The following C10orf67 variants were observed in gnomAD, a reference collection of about 807,000 sequenced individuals.
The protein encoded by C10orf67 is uncharacterized protein C10orf67, mitochondrial.
C10orf67 carries 60 observed loss-of-function variants against 35.6 expected under a neutral mutation model. That is an observed-to-expected ratio of 1.68 (90% CI 1.37 to 2.09). The LOEUF (loss-of-function observed/expected upper bound fraction) is 2.09, where lower values mean the gene tolerates loss of function less well. Ranked by LOEUF, C10orf67 falls within the 30% of genes most tolerant of loss-of-function variation. The probability of loss-of-function intolerance (pLI) is 0.00; values close to 1 mark genes in which losing one functional copy is unlikely to be tolerated. For missense variants in C10orf67, 474 were observed against 330.2 expected (o/e 1.44, Z -3.38); for synonymous variants, 167 against 115.8 (o/e 1.44, Z -2.84).
chr10:23,315,491 T>G (rs1255800218), intron 4 of C10orf67, among the ~76,000 whole-genome samples: 1 of 152,188 alleles, frequency 6.6e-6, no homozygotes, highest in Non-Finnish European at 1.5e-5. Flanking sequence ...CAGGCTGGAG[T>G]GCAGTGGCAT....
At chr10:23,291,048 T>A (rs1404452345) in intron 6 of C10orf67, 84 bp downstream of exon 6, 2 of 614,548 alleles carry the variant, frequency 3.3e-6, no homozygotes, top group South Asian at 2.1e-5. Context: ...AACGAATGTA[T>A]GTTTGGAAAA....
At chr10:23,268,952 CT>C (rs1338324054) in intron 8 of C10orf67, among the ~76,000 whole-genome samples, 1 of 152,204 alleles carries the variant, frequency 6.6e-6, no homozygotes, top group Non-Finnish European at 1.5e-5. Flanking sequence ...TCTTATTGGA[CT>C]ACCATCGTGT....
intron 8 of C10orf67, among the ~76,000 whole-genome samples, chr10:23,267,629 C>T (rs986169844): frequency 6.6e-6 from 1 of 152,116 alleles, no homozygotes; most frequent in Non-Finnish European, 1.5e-5. Context: ...TTGAGAAGGC[C>T]GGGCACGGTG....
chr10:23,280,882 T>C lies in C10orf67; in HGVS notation c.975+1131A>G, dbSNP rs573211434. Among the ~76,000 whole-genome samples, 34 of 152,318 alleles carry C rather than the reference T, an allele frequency of 2.2e-4. 1 individual carries two copies. The South Asian group carries it at 5.2e-3, about 23-fold the overall frequency. ...ACAATATAACATTGGCTTTCCACTC[T>C]ATAAAAACACTTTCAATTTTAATGA... is the stretch of plus-strand genomic sequence containing the variant. On this transcript the variant is annotated intron_variant, in intron 8 of 15. Transcript: ENST00000636213.
intron 2 of C10orf67, among the ~76,000 whole-genome samples, chr10:23,327,733 G>A (rs1293832407): frequency 3.9e-5 from 6 of 151,940 alleles, no homozygotes; most frequent in African/African-American, 1.5e-4. Context: ...GCTGAGGCAG[G>A]AGAATCGCTT....
intron 8 of C10orf67, among the ~76,000 whole-genome samples, chr10:23,268,335 C>T (rs1263934043): frequency 3.9e-5 from 6 of 152,028 alleles, no homozygotes; most frequent in Admixed American, 3.3e-4. Flanking sequence ...ATAAAAGGTA[C>T]TGTATCAAAA....
intron 8 of C10orf67, among the ~76,000 whole-genome samples, chr10:23,270,685 A>T (rs1842994095): frequency 6.6e-6 from 1 of 152,214 alleles, no homozygotes; most frequent in Non-Finnish European, 1.5e-5. Context: ...AGATGGACCA[A>T]ATTCCCAGGG....
At chr10:23,296,243 A>G (rs750375879) in intron 5 of C10orf67, among the ~76,000 whole-genome samples, 1 of 152,122 alleles carries the variant, frequency 6.6e-6, no homozygotes, top group Non-Finnish European at 1.5e-5. Context: ...GGGCTCCCAT[A>G]CAAAAGGAAG....
At chr10:23,316,477 G>T (rs1287777464) in intron 4 of C10orf67, among the ~76,000 whole-genome samples, 1 of 152,188 alleles carries the variant, frequency 6.6e-6, no homozygotes, top group Non-Finnish European at 1.5e-5. Flanking sequence ...GTGAGCGAGG[G>T]GTGTGTTTCA....
At chr10:23,304,414 C>G (rs1022225302) in intron 4 of C10orf67, among the ~76,000 whole-genome samples, 2 of 152,152 alleles carry the variant, frequency 1.3e-5, no homozygotes, top group African/African-American at 4.8e-5. Flanking sequence ...TAGCCTTCAT[C>G]CAGAAGCAGT....
chr10:23,323,952 T>TACACACACACAC lies in C10orf67; in HGVS notation c.328-1427_328-1416dup, dbSNP rs747699026. Among the ~76,000 whole-genome samples the TACACACACACAC allele has an allele frequency of 4.0e-4, 26 of 64,696 alleles. 1 individual carries two copies. The highest frequency in any genetic ancestry group is 6.0e-4 in the Non-Finnish European group (18 of 29,884). 42.4% of individuals were successfully genotyped at this position (64,696 alleles called of 152,430 possible). The stretch of plus-strand genomic sequence containing the variant: ...ATATATATATATATATATATATATA[T>TACACACACACAC]ACACACACACACACATATGAGTTAA... On this transcript the variant is annotated intron_variant, in intron 2 of 15. Coordinates refer to ENST00000636213, the MANE Select transcript of C10orf67 (RefSeq NM_001371909.1).
At chr10:23,342,239 C>CACACACACAT (rs1199058916) in intron 1 of C10orf67, among the ~76,000 whole-genome samples, 1 of 151,678 alleles carries the variant, frequency 6.6e-6, no homozygotes, top group Non-Finnish European at 1.5e-5. Flanking sequence ...CACACACACA[C>CACACACACAT]ACTCTCACAC....
intron 2 of C10orf67, among the ~76,000 whole-genome samples, chr10:23,330,015 T>C (rs1669578586): frequency 6.6e-6 from 1 of 152,180 alleles, no homozygotes; most frequent in African/African-American, 2.4e-5. Context: ...AAAAGCCATA[T>C]GAGTGCATGA....
At chr10:23,343,839 T>C (rs959533148) in intron 1 of C10orf67, 10 of 448,064 alleles carry the variant, frequency 2.2e-5, no homozygotes, top group Non-Finnish European at 4.1e-5. Context: ...TGGAAAGGCG[T>C]TGAGCGAGGG....
intron 1 of C10orf67, 123 bp from the exon 2 acceptor site, chr10:23,333,305 G>A: frequency 1.2e-6 from 1 of 842,390 alleles, no homozygotes; most frequent in Non-Finnish European, 1.8e-6. Flanking sequence ...TTGGTGAGGT[G>A]AGGAAGCCTC....
chr10:23,343,895 C>T (rs1359023792), intron 1 of C10orf67: 2 of 464,542 alleles, frequency 4.3e-6, no homozygotes, highest in African/African-American at 4.0e-5. Flanking sequence ...ACTGCCTCTC[C>T]CGCTGGTCAC....
At position 23,203,459 on chromosome 10, in the gene C10orf67, C is replaced by T. The variant is rs1185655812; in HGVS notation, c.*714G>A. 6.6e-6 allele frequency: 1 copy of T among 152,242 alleles called. No homozygotes were observed. The highest frequency in any genetic ancestry group is 1.5e-5 in the Non-Finnish European group (1 of 68,050). The allele number at this position is 152,242 out of a possible 1,614,324, so 9.4% of individuals were successfully genotyped here. On this transcript the variant is annotated 3_prime_UTR_variant, in exon 16 of 16. Coordinates refer to ENST00000636213, the MANE Select transcript of C10orf67 (RefSeq NM_001371909.1). ...TAATCCAGAGCCTACGATTCAGATA[C>T]AGGCTCTTAACAAGGCCTTACTTGT... is the stretch of plus-strand genomic sequence containing the variant.
At chr10:23,284,130 A>G (rs1484365410) in intron 7 of C10orf67, among the ~76,000 whole-genome samples, 4 of 149,054 alleles carry the variant, frequency 2.7e-5, no homozygotes, top group South Asian at 2.1e-4. Context: ...AAAAAAAAAA[A>G]GGGTGGGGGG....
intron 8 of C10orf67, among the ~76,000 whole-genome samples, chr10:23,268,807 T>C (rs939400426): frequency 6.6e-6 from 1 of 152,258 alleles, no homozygotes; most frequent in African/African-American, 2.4e-5. Context: ...GCATAGCCTA[T>C]TGTTCCTAGG....
Sources: gnomAD v4.1 joint callset for allele counts (sites outside exome capture counted in the v4.1 genomes callset) on GRCh38, gnomAD v4.1.1 for gene constraint, MANE v1.5 for transcripts, NCBI Gene and HGNC (gene_info 2026-07-23, HGNC 2026-07-21) for gene names.